The following SYT14 variants were observed in gnomAD, a reference collection of about 807,000 sequenced individuals.
SYT14 encodes synaptotagmin-14.
SYT14 carries 32 observed loss-of-function variants against 74.2 expected under a neutral mutation model. That is an observed-to-expected ratio of 0.43 (90% CI 0.33 to 0.58). SYT14 has a LOEUF of 0.58. Ranked by LOEUF, SYT14 falls within the 20% of genes least tolerant of loss-of-function variation. SYT14 has a pLI of 0.05. For synonymous variants in SYT14, 298 were observed against 337.7 expected, an observed-to-expected ratio of 0.88 and a Z score of 1.29; for missense variants, 791 against 981.8, an observed-to-expected ratio of 0.81 and a Z score of 2.60.
At chr1:209,976,484 G>C (rs1038795213) in intron 2 of SYT14, among the ~76,000 whole-genome samples, 2 of 152,054 alleles carry the variant, frequency 1.3e-5, no homozygotes, top group Non-Finnish European at 2.9e-5. Context: ...TCAGGAGCAG[G>C]TTGTTCAGTT....
intron 1 of SYT14, among the ~76,000 whole-genome samples, chr1:209,943,762 C>T (rs1460517960): frequency 6.6e-6 from 1 of 151,860 alleles, no homozygotes; most frequent in East Asian, 1.9e-4. Flanking sequence ...GAATCCTAGT[C>T]GATTACTACC....
At chr1:210,153,397 A>C (rs996486998) in intron 7 of SYT14, among the ~76,000 whole-genome samples, 1 of 152,220 alleles carries the variant, frequency 6.6e-6, no homozygotes, top group African/African-American at 2.4e-5. Context: ...ATTTGGAAAG[A>C]ATGTTACAAA....
intron 5 of SYT14, among the ~76,000 whole-genome samples, chr1:210,021,773 G>A (rs1041493057): frequency 1.3e-5 from 2 of 152,124 alleles, no homozygotes; most frequent in African/African-American, 2.4e-5. Flanking sequence ...TTGAGAGCTA[G>A]TACTATATTA....
intron 5 of SYT14, among the ~76,000 whole-genome samples, chr1:210,027,232 T>C (rs966756514): frequency 1.1e-4 from 17 of 152,086 alleles, no homozygotes; most frequent in African/African-American, 3.9e-4. Context: ...CAGTGGCTCA[T>C]GCCTATAATG....
intron 7 of SYT14, among the ~76,000 whole-genome samples, chr1:210,112,537 G>C (rs1215419842): frequency 3.3e-5 from 5 of 151,262 alleles, no homozygotes; most frequent in Admixed American, 3.3e-4. Flanking sequence ...AAGTTGTAGT[G>C]GGGGAGTATT....
chr1:210,133,292 A>G (rs1402953254), intron 7 of SYT14, among the ~76,000 whole-genome samples: 1 of 152,202 alleles, frequency 6.6e-6, no homozygotes, highest in Non-Finnish European at 1.5e-5. Context: ...ACTGGGATAT[A>G]GGTTCTTCAA....
intron 2 of SYT14, 66 bp from the exon 3 acceptor site, chr1:210,013,567 G>T: frequency 4.1e-6 from 6 of 1,453,802 alleles, no homozygotes; most frequent in Non-Finnish European, 4.7e-6. Context: ...AATGTTTGGG[G>T]TTTCCTTCTT....
At chr1:209,972,303 C>T (rs899643128) in intron 2 of SYT14, among the ~76,000 whole-genome samples, 4 of 151,774 alleles carry the variant, frequency 2.6e-5, no homozygotes, top group African/African-American at 9.7e-5. Context: ...TTCAAAGAAC[C>T]AACTTTTGGT....
chr1:210,137,583 T>A (rs1295099279), intron 7 of SYT14, among the ~76,000 whole-genome samples: 1 of 152,108 alleles, frequency 6.6e-6, no homozygotes. Context: ...AGGCCTTATT[T>A]TTTTTTTTCA....
chr1:210,162,240 T>C (rs2083387361), exon 10 of SYT14: 1 of 429,308 alleles, frequency 2.3e-6, no homozygotes, highest in East Asian at 7.1e-5. Context: ...CTTGTGCCTT[T>C]CATGTAAGTT....
intron 2 of SYT14, among the ~76,000 whole-genome samples, chr1:210,009,638 T>C (rs1205273424): frequency 6.6e-6 from 1 of 152,146 alleles, no homozygotes; most frequent in Non-Finnish European, 1.5e-5. Context: ...AAGTGTTTCA[T>C]ATGGAATAAG....
chr1:209,988,051 TTCTTTTCTCA>T (rs2079601341), intron 2 of SYT14, among the ~76,000 whole-genome samples: 1 of 152,206 alleles, frequency 6.6e-6, no homozygotes, highest in African/African-American at 2.4e-5. Flanking sequence ...TCTTGATTTC[TTCTTTTCTCA>T]TCTCTTTTGT....
intron 2 of SYT14, among the ~76,000 whole-genome samples, chr1:209,983,394 C>T (rs989979312): frequency 6.6e-6 from 1 of 151,914 alleles, no homozygotes; most frequent in Non-Finnish European, 1.5e-5. Flanking sequence ...ATTTTTCTGC[C>T]TTCTTTTTTT....
At chr1:210,001,504 A>G (rs1244354718) in intron 2 of SYT14, among the ~76,000 whole-genome samples, 2 of 152,144 alleles carry the variant, frequency 1.3e-5, no homozygotes, top group Non-Finnish European at 2.9e-5. Flanking sequence ...TTACATTTAT[A>G]TTCATAATTA....
intron 5 of SYT14, among the ~76,000 whole-genome samples, chr1:210,088,895 T>C (rs550499145): frequency 6.6e-6 from 1 of 152,032 alleles, no homozygotes; most frequent in African/African-American, 2.4e-5. Context: ...TTTTTTTTAT[T>C]ATACTTTAAG....
chr1:210,102,772 C>A (rs1237959585), intron 7 of SYT14, among the ~76,000 whole-genome samples: 3 of 152,006 alleles, frequency 2.0e-5, no homozygotes, highest in Non-Finnish European at 4.4e-5. Flanking sequence ...GCCTGAAACT[C>A]CTGGGCTTAA....
intron 2 of SYT14, among the ~76,000 whole-genome samples, chr1:209,964,666 T>C (rs1572077401): frequency 6.6e-6 from 1 of 152,126 alleles, no homozygotes; most frequent in African/African-American, 2.4e-5. Context: ...TCTCTCCCTA[T>C]CATGAGGGGT....
intron 5 of SYT14, among the ~76,000 whole-genome samples, chr1:210,071,940 TAGA>T (rs1403599715): frequency 1.3e-5 from 2 of 151,890 alleles, no homozygotes; most frequent in Non-Finnish European, 2.9e-5. Flanking sequence ...TTCATATAAT[TAGA>T]AGTTTTTATT....
rs565837462 is a variant in SYT14, at chr1:210,092,111, A to G, written c.1313-2211A>G. Among the ~76,000 whole-genome samples the G allele has an allele frequency of 2.6e-5, 4 of 152,354 alleles. No individual in the cohort carries two copies. The South Asian group carries it at 8.3e-4, about 32-fold the overall frequency. Reference sequence around the variant, plus strand: ...ATGCCAGTTTAATGATTAATAAACTATATCCATTGAGAATATATTTGGAAA... The same window carrying G: ...ATGCCAGTTTAATGATTAATAAACTGTATCCATTGAGAATATATTTGGAAA... On this transcript the variant is annotated intron_variant, in intron 5 of 9. Coordinates refer to ENST00000637265, the Ensembl canonical transcript of SYT14.
Sources: gnomAD v4.1 joint callset for allele counts (sites outside exome capture counted in the v4.1 genomes callset) on GRCh38, gnomAD v4.1.1 for gene constraint, MANE v1.5 for transcripts, NCBI Gene and HGNC (gene_info 2026-07-23, HGNC 2026-07-21) for gene names.